Variants in MLLT10 observed in about 807,000 individuals in gnomAD.
MLLT10 encodes the protein MLLT10 histone lysine methyltransferase DOT1L cofactor, also known as protein AF-10.
A neutral mutation model predicts 129.1 loss-of-function variants in MLLT10; 30 were observed. That is an observed-to-expected ratio of 0.23 (90% CI 0.17 to 0.32). MLLT10 has a LOEUF of 0.32. Among genes scored for constraint, MLLT10 ranks in the 10% least tolerant of loss-of-function variants. MLLT10 has a pLI of 1.00. For synonymous variants in MLLT10, 490 were observed against 446.4 expected, an observed-to-expected ratio of 1.10 and a Z score of -1.23; for missense variants, 1,119 against 1,268.3, an observed-to-expected ratio of 0.88 and a Z score of 1.79.
intron 8 of MLLT10, among the ~76,000 whole-genome samples, chr10:21,645,931 G>A (rs1307331063): frequency 2.6e-5 from 4 of 152,194 alleles, no homozygotes; most frequent in Admixed American, 2.6e-4. Flanking sequence ...TAGGCTGGGT[G>A]TGGTGGCTCA....
At chr10:21,649,111 T>C (rs1296339446) in intron 8 of MLLT10, among the ~76,000 whole-genome samples, 2 of 152,222 alleles carry the variant, frequency 1.3e-5, no homozygotes, top group Non-Finnish European at 2.9e-5. Context: ...GGTCTCACTC[T>C]GTCACCCAGG....
At chr10:21,733,656 G>A (rs2131579812) in intron 19 of MLLT10, 64 bp downstream of exon 19, 2 of 1,462,888 alleles carry the variant, frequency 1.4e-6, no homozygotes, top group Non-Finnish European at 9.1e-7. Flanking sequence ...ATATTAAATG[G>A]TTTAAAATTA....
intron 4 of MLLT10, among the ~76,000 whole-genome samples, chr10:21,593,926 TAAAAAAAAA>T (rs61561146): frequency 0.052 from 2,384 of 45,414 alleles, 330 homozygotes; most frequent in East Asian, 0.37. Context: ...GCTTTGTCTT[TAAAAAAAAA>T]AAAAAAAAAA....
chr10:21,588,683 C>G (rs1272502712), intron 4 of MLLT10, among the ~76,000 whole-genome samples: 1 of 152,052 alleles, frequency 6.6e-6, no homozygotes, highest in African/African-American at 2.4e-5. Flanking sequence ...CTTTGGTAAT[C>G]TAACAGGTAA....
intron 13 of MLLT10, among the ~76,000 whole-genome samples, chr10:21,685,330 G>C (rs572448054): frequency 6.6e-6 from 1 of 152,014 alleles, no homozygotes; most frequent in Non-Finnish European, 1.5e-5. Flanking sequence ...AATGACCAAG[G>C]AAAGATGATT....
At chr10:21,703,465 C>T (rs573332662) in intron 13 of MLLT10, among the ~76,000 whole-genome samples, 36 of 152,136 alleles carry the variant, frequency 2.4e-4, no homozygotes, top group Non-Finnish European at 4.1e-4. Flanking sequence ...TAAAATGTGC[C>T]GTAGAGAAGA....
intron 9 of MLLT10, among the ~76,000 whole-genome samples, chr10:21,652,306 A>G (rs950055556): frequency 6.6e-6 from 1 of 152,196 alleles, no homozygotes; most frequent in Non-Finnish European, 1.5e-5. Context: ...GGGAACCATC[A>G]TTGAGACAGA....
At chr10:21,591,080 C>T (rs1430246121) in intron 4 of MLLT10, among the ~76,000 whole-genome samples, 2 of 152,118 alleles carry the variant, frequency 1.3e-5, no homozygotes, top group Non-Finnish European at 2.9e-5. Flanking sequence ...TGTTTTGAGA[C>T]AGGGTCTCAG....
At chr10:21,662,871 T>G (rs1036330290) in intron 9 of MLLT10, among the ~76,000 whole-genome samples, 1 of 152,188 alleles carries the variant, frequency 6.6e-6, no homozygotes, top group Non-Finnish European at 1.5e-5. Flanking sequence ...AGTCTTTAGG[T>G]GAACCTCTAC....
At chr10:21,609,677 T>C (rs2131183698) in intron 5 of MLLT10, among the ~76,000 whole-genome samples, 1 of 152,354 alleles carries the variant, frequency 6.6e-6, no homozygotes, top group African/African-American at 2.4e-5. Context: ...TACTTGTTTC[T>C]CCTTGTAACT....
At chr10:21,705,656 C>T (rs2055419004) in intron 13 of MLLT10, among the ~76,000 whole-genome samples, 1 of 152,148 alleles carries the variant, frequency 6.6e-6, no homozygotes, top group Non-Finnish European at 1.5e-5. Context: ...TGCAGTAGCC[C>T]ACACTTTGCT....
intron 8 of MLLT10, chr10:21,625,517 C>T: frequency 1.1e-6 from 1 of 891,230 alleles, no homozygotes; most frequent in Admixed American, 1.7e-5. Flanking sequence ...CATACTTTTA[C>T]TTTTCCAGCA....
chr10:21,725,852 G>A (rs1477539454), intron 14 of MLLT10, among the ~76,000 whole-genome samples: 1 of 149,102 alleles, frequency 6.7e-6, no homozygotes, highest in Non-Finnish European at 1.5e-5. Flanking sequence ...CTGGGTTCAC[G>A]CCATTCTCCT....
chr10:21,551,790 GTC>G (rs1032725941), intron 3 of MLLT10: 10 of 402,572 alleles, frequency 2.5e-5, no homozygotes, highest in African/African-American at 2.1e-4. Context: ...AATAGTTTCT[GTC>G]TCTCTCTCTT....
At chr10:21,624,938 T>C (rs527494377) in intron 8 of MLLT10, 1 of 1,310,580 alleles carries the variant, frequency 7.6e-7, no homozygotes, top group East Asian at 2.3e-5. Flanking sequence ...GAGGTGGTGC[T>C]CCCCTCCCCC....
rs776097686 is a variant in MLLT10, at chr10:21,673,932, CTAT to C, written c.1621+21_1621+23del. The C allele has an allele frequency of 7.1e-6, 11 of 1,541,342 alleles. No individual in the cohort carries two copies. Among genetic ancestry groups the C allele is most frequent in the Non-Finnish European group, 8.7e-6 (10 of 1,147,138 alleles). On this transcript the variant is annotated intron_variant, in intron 11 of 22. Coordinates refer to ENST00000307729, the MANE Select transcript of MLLT10 (RefSeq NM_001195626.3). ...CCAGTTGGTTCAGGTAGGGGTTTGC[CTAT>C]TATTATTTTTCTCCTTCACTCCCAC...
intron 13 of MLLT10, among the ~76,000 whole-genome samples, chr10:21,707,354 G>A (rs573496536): frequency 1.1e-4 from 16 of 151,660 alleles, no homozygotes; most frequent in Non-Finnish European, 1.8e-4. Context: ...CACCATGCCC[G>A]GCTAATTTTT....
intron 4 of MLLT10, among the ~76,000 whole-genome samples, chr10:21,587,977 A>G (rs1295826192): frequency 1.3e-5 from 2 of 152,306 alleles, no homozygotes; most frequent in Middle Eastern, 3.4e-3. Flanking sequence ...CTCCATCTTT[A>G]TACAAATGGG....
At chr10:21,675,222 A>C (rs1440637748) in intron 11 of MLLT10, among the ~76,000 whole-genome samples, 1 of 152,232 alleles carries the variant, frequency 6.6e-6, no homozygotes, top group African/African-American at 2.4e-5. Context: ...AATGAGTGGA[A>C]TCTCTAGATG....
Sources: gnomAD v4.1 joint callset for allele counts (sites outside exome capture counted in the v4.1 genomes callset) on GRCh38, gnomAD v4.1.1 for gene constraint, MANE v1.5 for transcripts, NCBI Gene and HGNC (gene_info 2026-07-23, HGNC 2026-07-21) for gene names.